Variants in CCDC148 observed in about 807,000 individuals in gnomAD.
The protein encoded by CCDC148 is coiled-coil domain containing 148, also known as coiled-coil domain-containing protein 148.
A neutral mutation model predicts 85.7 loss-of-function variants in CCDC148; 89 were observed. The ratio of observed to expected loss-of-function variants is 1.04; its 90% CI spans 0.87 to 1.24. The LOEUF (loss-of-function observed/expected upper bound fraction) is 1.24. Ranked by LOEUF, CCDC148 falls within the 50% of genes most tolerant of loss-of-function variation. The probability of loss-of-function intolerance (pLI) is 0.00; values close to 1 mark genes in which losing one functional copy is unlikely to be tolerated. For synonymous variants in CCDC148, 230 were observed against 213.9 expected, an observed-to-expected ratio of 1.08 and a Z score of -0.66; for missense variants, 692 against 671.7, an observed-to-expected ratio of 1.03 and a Z score of -0.33.
At position 158,360,650 on chromosome 2, in the gene CCDC148, C is replaced by T. The variant is rs186978892; in HGVS notation, c.26-2080G>A. On this transcript the variant is annotated intron_variant, in intron 1 of 13. Coordinates refer to ENST00000283233, the MANE Select transcript of CCDC148 (RefSeq NM_138803.4). The stretch of plus-strand genomic sequence containing the variant: ...TCAACATCAACAAAAAGGATGTCCA[C>T]TCGGAAACCCCAGCCGAAGCTTACC... Among the ~76,000 whole-genome samples the T allele has an allele frequency of 6.5e-4, 99 of 152,282 alleles. 1 individual carries two copies. The highest frequency in any genetic ancestry group is 2.9e-5 in the Non-Finnish European group (2 of 68,016).
intron 11 of CCDC148, among the ~76,000 whole-genome samples, chr2:158,193,672 C>T (rs1373221409): frequency 6.6e-6 from 1 of 152,060 alleles, no homozygotes; most frequent in Non-Finnish European, 1.5e-5. Flanking sequence ...AACTTTTGAA[C>T]TTTCCCTGTT....
chr2:158,429,588 G>A (rs951826802), intron 1 of CCDC148, among the ~76,000 whole-genome samples: 3 of 152,262 alleles, frequency 2.0e-5, no homozygotes, highest in African/African-American at 4.8e-5. Flanking sequence ...CATCCAATGC[G>A]TAAGTGCATA....
intron 1 of CCDC148, among the ~76,000 whole-genome samples, chr2:158,362,854 A>G (rs1222483022): frequency 1.3e-5 from 2 of 152,184 alleles, no homozygotes; most frequent in African/African-American, 4.8e-5. Context: ...GACACAAAAA[A>G]CCCTTCAAAA....
intron 9 of CCDC148, among the ~76,000 whole-genome samples, chr2:158,289,441 G>GA (rs1690786113): frequency 1.3e-5 from 2 of 151,950 alleles, no homozygotes; most frequent in Admixed American, 6.6e-5. Context: ...ATTTCACAAA[G>GA]AAAAAAATCC....
chr2:158,289,399 GA>G (rs1236172050), intron 9 of CCDC148, among the ~76,000 whole-genome samples: 2 of 151,368 alleles, frequency 1.3e-5, no homozygotes, highest in Non-Finnish European at 2.9e-5. Flanking sequence ...TAACACAATA[GA>G]AAAAAAATGG....
Position 158,313,843 on chromosome 2 carries a change from A to G in CCDC148, c.816T>C (p.Asp272=), listed in dbSNP as rs1437978530. ...TTCCAAAGAGATCTCCAGGGTACTG[A>G]TCCAAAATAGCCTGGTAAATCCAGT... The part of the protein sequence containing the change: ...EDHWIYQAIL[D]QYPGDLFGRR... The change falls in exon 8 of 14, where the codon GAT becomes GAC. Residue 272 remains aspartate, a synonymous_variant. Coordinates refer to ENST00000283233, the MANE Select transcript of CCDC148 (RefSeq NM_138803.4). 3 of 1,613,908 alleles carry G rather than the reference A, an allele frequency of 1.9e-6. No homozygotes were observed. The highest frequency in any genetic ancestry group is 1.1e-5 in the South Asian group (1 of 91,048).
intron 9 of CCDC148, among the ~76,000 whole-genome samples, chr2:158,263,489 C>T (rs189536263): frequency 1.3e-5 from 2 of 152,082 alleles, no homozygotes; most frequent in Admixed American, 6.6e-5. Context: ...AAGGTGTATG[C>T]CAATTTTGTA....
At chr2:158,375,015 T>C (rs983642615) in intron 1 of CCDC148, among the ~76,000 whole-genome samples, 1 of 152,118 alleles carries the variant, frequency 6.6e-6, no homozygotes, top group Non-Finnish European at 1.5e-5. Flanking sequence ...AAATATTTTC[T>C]ATATGAAGTT....
chr2:158,341,149 T>A (rs1682668247), intron 3 of CCDC148, among the ~76,000 whole-genome samples: 1 of 152,184 alleles, frequency 6.6e-6, no homozygotes, highest in Non-Finnish European at 1.5e-5. Flanking sequence ...GTATACTTTA[T>A]TTTTAATATA....
chr2:158,214,988 T>G (rs1266581102), intron 11 of CCDC148, among the ~76,000 whole-genome samples: 2 of 152,140 alleles, frequency 1.3e-5, no homozygotes, highest in Non-Finnish European at 2.9e-5. Context: ...AAGATATTTT[T>G]GAAAAGAACA....
intron 10 of CCDC148, among the ~76,000 whole-genome samples, chr2:158,231,426 T>G (rs1687851803): frequency 1.3e-5 from 2 of 152,168 alleles, no homozygotes; most frequent in African/African-American, 4.8e-5. Context: ...TTTGACTACC[T>G]GCATTCCTGG....
At chr2:158,321,554 T>C (rs759419074) in intron 7 of CCDC148, among the ~76,000 whole-genome samples, 1 of 152,138 alleles carries the variant, frequency 6.6e-6, no homozygotes, top group Non-Finnish European at 1.5e-5. Context: ...CAGAGAAAAA[T>C]GCCACATGGG....
intron 7 of CCDC148, among the ~76,000 whole-genome samples, chr2:158,316,896 T>C (rs1162663901): frequency 6.6e-6 from 1 of 152,180 alleles, no homozygotes; most frequent in Non-Finnish European, 1.5e-5. Context: ...ACTTCTAAAA[T>C]AAAATCAGAT....
At chr2:158,252,749 C>T (rs1196680706) in intron 9 of CCDC148, among the ~76,000 whole-genome samples, 1 of 151,716 alleles carries the variant, frequency 6.6e-6, no homozygotes, top group Non-Finnish European at 1.5e-5. Flanking sequence ...TATCTATGTT[C>T]ATTATTTGAT....
intron 1 of CCDC148, among the ~76,000 whole-genome samples, chr2:158,455,846 G>A (rs1307032818): frequency 6.6e-6 from 1 of 152,160 alleles, no homozygotes; most frequent in African/African-American, 2.4e-5. Flanking sequence ...TTAAATGAAA[G>A]TAGAAGACAT....
intron 1 of CCDC148, among the ~76,000 whole-genome samples, chr2:158,374,560 C>A (rs78554604): frequency 2.0e-5 from 3 of 151,830 alleles, no homozygotes; most frequent in Admixed American, 1.3e-4. Flanking sequence ...AATGCCCACA[C>A]GTAGACCAAA....
chr2:158,184,812 T>A (rs1685077924), intron 11 of CCDC148, among the ~76,000 whole-genome samples: 1 of 152,164 alleles, frequency 6.6e-6, no homozygotes, highest in Non-Finnish European at 1.5e-5. Flanking sequence ...AAATCACCTG[T>A]GTGACTGGTT....
intron 1 of CCDC148, among the ~76,000 whole-genome samples, chr2:158,370,500 A>T (rs1015503264): frequency 6.6e-6 from 1 of 152,046 alleles, no homozygotes; most frequent in East Asian, 1.9e-4. Flanking sequence ...GATCTTGGTC[A>T]TTTTCATATG....
intron 8 of CCDC148, among the ~76,000 whole-genome samples, chr2:158,310,053 T>C (rs1300322289): frequency 6.6e-6 from 1 of 152,214 alleles, no homozygotes; most frequent in Non-Finnish European, 1.5e-5. Context: ...CTGGTTTTCC[T>C]AGGCAGAGGA....
Sources: gnomAD v4.1 joint callset for allele counts (sites outside exome capture counted in the v4.1 genomes callset) on GRCh38, gnomAD v4.1.1 for gene constraint, MANE v1.5 for transcripts, NCBI Gene and HGNC (gene_info 2026-07-23, HGNC 2026-07-21) for gene names.